Variants in CLCF1 observed in about 807,000 individuals in gnomAD.
CLCF1 encodes cardiotrophin like cytokine factor 1.
In CLCF1, 10 loss-of-function variants were observed where a neutral mutation model predicts 21.2. The ratio of observed to expected loss-of-function variants is 0.47; its 90% CI spans 0.29 to 0.80. CLCF1 has a LOEUF of 0.80. Among genes scored for constraint, CLCF1 ranks in the 30% least tolerant of loss-of-function variants. CLCF1 has a pLI of 0.09. For synonymous variants in CLCF1, 115 were observed against 120.5 expected (o/e 0.95, Z 0.30); for missense variants, 240 against 293.4 (o/e 0.82, Z 1.33).
At chr11:67,373,323 G>A (rs1222633303) in intron 1 of CLCF1, among the ~76,000 whole-genome samples, 2 of 151,994 alleles carry the variant, frequency 1.3e-5, no homozygotes, top group Non-Finnish European at 2.9e-5. Context: ...GCCACCTCCT[G>A]GCCCCGCCGT....
At chr11:67,371,696 TC>T (rs1038408388) in intron 1 of CLCF1, among the ~76,000 whole-genome samples, 1 of 142,738 alleles carries the variant, frequency 7.0e-6, no homozygotes, top group Non-Finnish European at 1.5e-5. Context: ...GAAGGAGGAG[TC>T]CAGGGCAGTG....
At chr11:67,373,659 T>G (rs1174619463), upstream of CLCF1, 291 of 1,257,968 alleles carry the variant, frequency 2.3e-4, no homozygotes, top group Non-Finnish European at 2.8e-4. Flanking sequence ...CTCGCAGGTT[T>G]TTTTCGCTCG....
intron 1 of CLCF1, chr11:67,370,993 C>T (rs1862219884): frequency 9.1e-6 from 9 of 985,220 alleles, no homozygotes; most frequent in South Asian, 4.7e-5. Flanking sequence ...CCAGGACCAG[C>T]GCTGGCTGCG....
At chr11:67,367,655 G>T (rs767583156) in intron 1 of CLCF1, 29 bp from the exon 2 acceptor site, 3 of 1,606,324 alleles carry the variant, frequency 1.9e-6, no homozygotes, top group South Asian at 2.2e-5. Flanking sequence ...AGAAGCATGA[G>T]CGCGGCCCGG....
Position 67,369,972 on chromosome 11 carries a change from G to C in CLCF1, c.17-2346C>G, listed in dbSNP as rs1862193929. The C allele has an allele frequency of 1.0e-5, 10 of 985,268 alleles. No homozygotes were observed. The South Asian group carries it at 4.7e-4, about 46-fold the overall frequency. The allele number at this position is 985,268 out of a possible 1,614,324, so 61.0% of individuals were successfully genotyped here. On this transcript the variant is annotated intron_variant, in intron 1 of 2. Coordinates refer to ENST00000312438, the MANE Select transcript of CLCF1 (RefSeq NM_013246.3). Reference sequence around the variant, plus strand: ...TAACCAGACGAGGCCGGTGTTTCCAGGAATATTTCAGTTCTGAGGTAACTG... The same window carrying C: ...TAACCAGACGAGGCCGGTGTTTCCACGAATATTTCAGTTCTGAGGTAACTG...
Position 67,365,517 on chromosome 11 carries a change from G to A in CLCF1, c.297C>T (p.Asp99=). Residue 99 remains aspartate (D), a synonymous_variant, in exon 3 of 3, where the codon GAC becomes GAT. Transcript: ENST00000312438. This position sits in a 1 kb window ranked among gnomAD's most constrained non-coding sequence, Gnocchi z 5.0. ...CGTAGTTCTGGGTCAGCCGCAGTTT[G>A]TCATTGAGGCTTCGCCACACCTCCA... ...VDLEVWRSLN[D]KLRLTQNYEA... The A allele has an allele frequency of 6.2e-7, 1 of 1,614,128 alleles. No homozygotes were observed. Among genetic ancestry groups the A allele is most frequent in the Non-Finnish European group, 8.5e-7 (1 of 1,179,962 alleles).
rs934761740 is a variant in CLCF1 at position 67,364,494 on chromosome 11, T to A, written c.*642A>T. Reference sequence around the variant, plus strand: ...GCAAGGTCCTGATGCTCAGCTCGGGTTTTGTTTGCCACTCTGTGCTTTGGA... The same window carrying A: ...GCAAGGTCCTGATGCTCAGCTCGGGATTTGTTTGCCACTCTGTGCTTTGGA... On this transcript the variant is annotated 3_prime_UTR_variant, in exon 3 of 3. Transcript: ENST00000312438. 6.6e-6 allele frequency: 1 copy of A among 152,610 alleles called. No homozygotes were observed. The highest frequency in any genetic ancestry group is 2.1e-4 in the South Asian group (1 of 4,832). The allele number at this position is 152,610 out of a possible 1,614,324, so 9.5% of individuals were successfully genotyped here.
rs757544375 is a variant in CLCF1, at chr11:67,365,264, C to T, written c.550G>A (p.Asp184Asn). The T allele has an allele frequency of 2.5e-6, 4 of 1,614,000 alleles. No homozygotes were observed. The highest frequency in any genetic ancestry group is 1.3e-5 in the African/African-American group (1 of 75,064). Residue 184 changes from aspartate to asparagine, a missense_variant, in exon 3 of 3, where the codon GAC becomes AAC. Coordinates refer to ENST00000312438, the MANE Select transcript of CLCF1 (RefSeq NM_013246.3). The surrounding 1 kb of genome is among the most constrained non-coding windows in gnomAD (Gnocchi z 5.0). ...TGCAGCTCCTTCAGCAGCCAGAAGTCGTCCATCTTCTGGAGGAAGTCACTG... is the reference window on the plus strand; with the variant it reads ...TGCAGCTCCTTCAGCAGCCAGAAGTTGTCCATCTTCTGGAGGAAGTCACTG... Reference protein sequence around the residue: ...AHSDFLQKMDDFWLLKELQTW... With the variant: ...AHSDFLQKMDNFWLLKELQTW...
chr11:67,365,016 G>A lies in CLCF1; in HGVS notation c.*120C>T. The A allele has an allele frequency of 6.5e-7, 1 of 1,548,236 alleles. No homozygotes were observed. Among genetic ancestry groups the A allele is most frequent in the Non-Finnish European group, 8.7e-7 (1 of 1,146,054 alleles). Reference sequence around the variant, plus strand: ...TCGCATCACACGCCCAGCCGGTCCAGGAAAGGGCCAGAGGCTCACAGCTTC... The same window carrying A: ...TCGCATCACACGCCCAGCCGGTCCAAGAAAGGGCCAGAGGCTCACAGCTTC... On this transcript the variant is annotated 3_prime_UTR_variant, in exon 3 of 3. Coordinates refer to ENST00000312438, the MANE Select transcript of CLCF1 (RefSeq NM_013246.3). This position sits in a 1 kb window ranked among gnomAD's most constrained non-coding sequence, Gnocchi z 5.0.
At position 67,368,581 on chromosome 11, in the gene CLCF1, A is replaced by T. The variant is rs1336081474; in HGVS notation, c.17-955T>A. On this transcript the variant is annotated intron_variant, in intron 1 of 2. Transcript: ENST00000312438. Reference sequence around the variant, plus strand: ...GGACCAAGGTGAGGATTCAGTGGACACTTTGGACTGGCAAAGGCAGTTAGG... The same window carrying T: ...GGACCAAGGTGAGGATTCAGTGGACTCTTTGGACTGGCAAAGGCAGTTAGG... The T allele has an allele frequency of 3.0e-6, 3 of 985,404 alleles. No individual in the cohort carries two copies. The East Asian group carries it at 3.4e-4, about 112-fold the overall frequency. 61.0% of individuals were successfully genotyped at this position (985,404 alleles called of 1,614,324 possible). A position where few individuals can be genotyped will look rare whatever the true frequency, so the allele number is the denominator to read the frequency against.
intron 1 of CLCF1, chr11:67,370,235 A>G: frequency 7.1e-6 from 7 of 985,366 alleles, no homozygotes; most frequent in Non-Finnish European, 7.2e-6. Context: ...CCTGCGGTTT[A>G]GTCGTGAGCT....
chr11:67,370,371 G>A, intron 1 of CLCF1: 1 of 985,050 alleles, frequency 1.0e-6, no homozygotes, highest in Non-Finnish European at 1.2e-6. Context: ...CTGTGTCCTA[G>A]GTCCCCCTCT....
Position 67,367,528 on chromosome 11 carries a change from A to G in CLCF1, c.115T>C (p.Ser39Pro). 6.2e-7 allele frequency: 1 copy of G among 1,614,164 alleles called. No homozygotes were observed. The highest frequency in any genetic ancestry group is 8.5e-7 in the Non-Finnish European group (1 of 1,180,018). ...GTGAGGTCATAGGTTTTCTGGATGGAGGGGCCAGGCCCTGGGTCCCCTGTG... is the reference window on the plus strand; with the variant it reads ...GTGAGGTCATAGGTTTTCTGGATGGGGGGGCCAGGCCCTGGGTCCCCTGTG... ...NRTGDPGPGP[S>P]IQKTYDLTRY... The change falls in exon 2 of 3, where the codon TCC becomes CCC. Residue 39 changes from serine (S) to proline (P), a missense_variant. Transcript: ENST00000312438.
intron 1 of CLCF1, chr11:67,370,389 C>A: frequency 1.0e-6 from 1 of 983,890 alleles, no homozygotes; most frequent in Non-Finnish European, 1.2e-6. Flanking sequence ...TCTCCCCCTC[C>A]CCACCAGTCC....
upstream of CLCF1, chr11:67,373,648 A>G: frequency 8.1e-7 from 1 of 1,240,810 alleles, no homozygotes; most frequent in African/African-American, 1.7e-5. Flanking sequence ...CGCCAGGCCC[A>G]CTCGCAGGTT....
At chr11:67,373,998 C>G (rs1862293783), upstream of CLCF1, 4 of 850,892 alleles carry the variant, frequency 4.7e-6, 1 homozygote, top group South Asian at 2.4e-4. Context: ...TGGGACACCG[C>G]CCCCTGCCCC....
At chr11:67,367,383 A>C (rs1445099842) in intron 2 of CLCF1, 77 bp downstream of exon 2, 72 of 1,607,666 alleles carry the variant, frequency 4.5e-5, no homozygotes, top group African/African-American at 5.4e-5. Flanking sequence ...ATTTACCAGA[A>C]CCCTCCACGG....
chr11:67,367,721 G>A, intron 1 of CLCF1, 95 bp from the exon 2 acceptor site: 1 of 1,540,138 alleles, frequency 6.5e-7, no homozygotes, highest in Non-Finnish European at 8.7e-7. Flanking sequence ...ACCTTGGGCT[G>A]GGTGGGGGGT....
In CLCF1 at chr11:67,367,511, A is replaced by G. The variant is rs1862137318; in HGVS notation, c.132T>C (p.Tyr44=). 6.2e-7 allele frequency: 1 copy of G among 1,614,074 alleles called. No homozygotes were observed. Among genetic ancestry groups the G allele is most frequent in the East Asian group, 2.2e-5 (1 of 44,896 alleles). ...PGPGPSIQKT[Y]DLTRYLEHQL... ...GGTGCTCCAGGTAGCGGGTGAGGTCATAGGTTTTCTGGATGGAGGGGCCAG... is the reference window on the plus strand; with the variant it reads ...GGTGCTCCAGGTAGCGGGTGAGGTCGTAGGTTTTCTGGATGGAGGGGCCAG... The change falls in exon 2 of 3, where the codon TAT becomes TAC. Residue 44 remains tyrosine (Y), a synonymous_variant. Transcript: ENST00000312438.
Sources: allele counts gnomAD v4.1 joint callset (sites outside exome capture counted in the v4.1 genomes callset), GRCh38; gene constraint gnomAD v4.1.1; non-coding constraint Gnocchi (gnomAD v3.1); transcripts MANE v1.5; gene names NCBI Gene and HGNC (gene_info 2026-07-23, HGNC 2026-07-21).